GRPR: variants seen among roughly 807,000 people sequenced by gnomAD.
GRPR encodes the protein gastrin-releasing peptide receptor.
A neutral mutation model predicts 15.6 loss-of-function variants in GRPR; 4 were observed. The ratio of observed to expected loss-of-function variants is 0.26; its 90% CI spans 0.13 to 0.59. The LOEUF (loss-of-function observed/expected upper bound fraction) is 0.59, where lower values mean the gene tolerates loss of function less well. GRPR is among the 20% of genes least tolerant of loss of function. The pLI, the probability that GRPR is intolerant of heterozygous loss-of-function variation, is 0.90. For missense variants in GRPR, 270 were observed against 304.1 expected (o/e 0.89, Z 0.83); for synonymous variants, 128 against 126.8 (o/e 1.01, Z -0.06).
chrX:16,134,050 G>A (rs1359527033), intron 1 of GRPR, among the ~76,000 whole-genome samples: 6 of 111,673 alleles, frequency 5.4e-5, no homozygotes, highest in Non-Finnish European at 1.1e-4. Context: ...TTCCCCTTTG[G>A]TTATCTTTGC....
At chrX:16,134,788 T>C (rs1048994918) in intron 1 of GRPR, among the ~76,000 whole-genome samples, 2 of 111,064 alleles carry the variant, frequency 1.8e-5, no homozygotes, top group Non-Finnish European at 3.8e-5. Flanking sequence ...GTTAATGCCT[T>C]AAGGGGGAAA....
At chrX:16,151,022 A>T (rs936573627) in intron 2 of GRPR, among the ~76,000 whole-genome samples, 2 of 112,171 alleles carry the variant, frequency 1.8e-5, no homozygotes, top group African/African-American at 6.5e-5. Context: ...GAGGATTACC[A>T]CATGGAGACA....
At chrX:16,141,506 T>G (rs1028218759) in intron 1 of GRPR, among the ~76,000 whole-genome samples, 1 of 112,024 alleles carries the variant, frequency 8.9e-6, no homozygotes, top group African/African-American at 3.2e-5. Context: ...AAAGTCTCAC[T>G]CAGATGACCA....
intron 2 of GRPR, 62 bp downstream of exon 2, chrX:16,150,718 A>C: frequency 4.7e-5 from 32 of 674,192 alleles, no homozygotes; most frequent in East Asian, 4.0e-4. Flanking sequence ...TTTCTTTTGG[A>C]CCCCACTGAC....
intron 1 of GRPR, among the ~76,000 whole-genome samples, chrX:16,140,071 C>T (rs182433539): frequency 7.1e-5 from 8 of 112,008 alleles, no homozygotes; most frequent in Non-Finnish European, 1.1e-4. Context: ...CCTCTCTCCC[C>T]GTCTTGGACC....
Position 16,124,361 on chromosome X carries a change from A to G in GRPR, c.408A>G (p.Ala136=). ...VSVFTLTALS[A]DRYKAIVRPM... is the part of the protein sequence containing the mutation. ...TCTTCACACTCACGGCGCTCTCGGC[A>G]GACAGGTAAGTACAGGCTGAAAGTT... The change falls in exon 1 of 3, where the codon GCA becomes GCG. Residue 136 remains alanine (A), a synonymous_variant. Transcript: ENST00000380289. The G allele has an allele frequency of 8.3e-7, 1 of 1,207,396 alleles. No homozygotes were observed. Among genetic ancestry groups the G allele is most frequent in the African/African-American group, 1.7e-5 (1 of 57,678 alleles).
At chrX:16,139,389 C>T (rs756183916) in intron 1 of GRPR, among the ~76,000 whole-genome samples, 1 of 111,506 alleles carries the variant, frequency 9.0e-6, no homozygotes, top group South Asian at 3.8e-4. Flanking sequence ...GGACCACCTG[C>T]GGCCCGGGAT....
chrX:16,144,315 T>C (rs1478647355), intron 1 of GRPR, among the ~76,000 whole-genome samples: 1 of 112,063 alleles, frequency 8.9e-6, no homozygotes, highest in African/African-American at 3.2e-5. Context: ...TTAGTAGTTT[T>C]GTCAAATCTC....
intron 1 of GRPR, among the ~76,000 whole-genome samples, chrX:16,149,648 A>G (rs55968709): frequency 2.3e-3 from 125 of 55,023 alleles, no homozygotes; most frequent in Middle Eastern, 0.019. Flanking sequence ...GTTTTGCCAA[A>G]AAAAAAAAAA....
intron 1 of GRPR, among the ~76,000 whole-genome samples, chrX:16,139,563 G>A (rs766105652): frequency 2.7e-5 from 3 of 110,899 alleles, no homozygotes; most frequent in African/African-American, 9.8e-5. Flanking sequence ...AAAAGATTGG[G>A]CACCCCTGAT....
In GRPR at chrX:16,152,764, T is replaced by C. The variant is rs1453121946; in HGVS notation, c.*119T>C. On this transcript the variant is annotated 3_prime_UTR_variant, in exon 3 of 3. Transcript: ENST00000380289. Reference sequence around the variant, plus strand: ...GCCTTCAGAATGCTCCTGAGTGGTGTAGGTGGGGGTGGGGAGGCCCAAATG... The same window carrying C: ...GCCTTCAGAATGCTCCTGAGTGGTGCAGGTGGGGGTGGGGAGGCCCAAATG... The C allele has an allele frequency of 1.6e-6, 1 of 606,623 alleles. No homozygotes were observed. The highest frequency in any genetic ancestry group is 2.8e-6 in the Non-Finnish European group (1 of 362,541). 50.0% of individuals were successfully genotyped at this position (606,623 alleles called of 1,213,427 possible).
Position 16,124,127 on chromosome X carries a change from C to T in GRPR, c.174C>T (p.Asn58=), listed in dbSNP as rs764278702. ...GVIILIGLIG[N]ITLIKIFCTV... is the part of the protein sequence containing the mutation. Reference sequence around the variant, plus strand: ...TCATTCTGATAGGCCTCATTGGCAACATCACTTTGATCAAGATCTTCTGTA... The same window carrying T: ...TCATTCTGATAGGCCTCATTGGCAATATCACTTTGATCAAGATCTTCTGTA... The change falls in exon 1 of 3, where the codon AAC becomes AAT. Residue 58 remains asparagine (N), a synonymous_variant. Transcript: ENST00000380289. The T allele has an allele frequency of 1.7e-6, 2 of 1,207,369 alleles. No homozygotes were observed. The highest frequency in any genetic ancestry group is 3.0e-5 in the East Asian group (1 of 33,837).
At chrX:16,148,127 TG>T (rs751130885) in intron 1 of GRPR, among the ~76,000 whole-genome samples, 3 of 111,839 alleles carry the variant, frequency 2.7e-5, no homozygotes, top group Non-Finnish European at 5.6e-5. Context: ...TCTGGAATTT[TG>T]GGGTTTGGGG....
intron 2 of GRPR, 69 bp from the exon 3 acceptor site, chrX:16,152,187 T>G (rs1013459594): frequency 2.2e-6 from 2 of 920,003 alleles, no homozygotes; most frequent in African/African-American, 3.9e-5. Context: ...CCTGAATCTT[T>G]GTCTCTCTGC....
chrX:16,146,556 G>A (rs975856918), intron 1 of GRPR, among the ~76,000 whole-genome samples: 8 of 110,558 alleles, frequency 7.2e-5, no homozygotes, highest in African/African-American at 9.9e-5. Context: ...CTATTTTTCC[G>A]TTTAAATGCT....
chrX:16,144,401 T>C (rs183007268), intron 1 of GRPR, among the ~76,000 whole-genome samples: 160 of 112,068 alleles, frequency 1.4e-3, no homozygotes, highest in Admixed American at 3.5e-3. Context: ...TTAATTATCG[T>C]CTTCACCTCA....
intron 1 of GRPR, among the ~76,000 whole-genome samples, chrX:16,148,186 A>T (rs1435455645): frequency 8.9e-6 from 1 of 112,041 alleles, no homozygotes; most frequent in East Asian, 2.8e-4. Flanking sequence ...TTTGAGAACA[A>T]AAAGCCAGAT....
Position 16,132,921 on chromosome X carries a change from T to C in GRPR, c.413+8555T>C, listed in dbSNP as rs1197357795. ...TGTGCTATCTCCATCAATGTCAGTA[T>C]TTTGTGAGTTTGCACAACATCTGTG... On this transcript the variant is annotated intron_variant, in intron 1 of 2. Transcript: ENST00000380289. Among the ~76,000 whole-genome samples the C allele has an allele frequency of 7.1e-5, 8 of 112,065 alleles. No homozygotes were observed. The South Asian group carries it at 2.6e-3, about 36-fold the overall frequency.
At position 16,123,606 on chromosome X, in the gene GRPR, G is replaced by T. The variant is rs781462096; in HGVS notation, c.-348G>T. The T allele has an allele frequency of 1.6e-5, 3 of 189,958 alleles. No individual in the cohort carries two copies. In the East Asian group the frequency reaches 3.9e-4, roughly 25 times the overall value. 15.7% of individuals were successfully genotyped at this position (189,958 alleles called of 1,213,427 possible). A position where few individuals can be genotyped will look rare whatever the true frequency, so the allele number is the denominator to read the frequency against. On this transcript the variant is annotated 5_prime_UTR_variant, in exon 1 of 3. Transcript: ENST00000380289. ...GCTGTGGGAAAATAGCAGGCCAAAAGTTCTTAGTAAACTGCAGCCAGGGAG... is the reference window on the plus strand; with the variant it reads ...GCTGTGGGAAAATAGCAGGCCAAAATTTCTTAGTAAACTGCAGCCAGGGAG...
Sources: allele counts gnomAD v4.1 joint callset (sites outside exome capture counted in the v4.1 genomes callset), GRCh38; gene constraint gnomAD v4.1.1; transcripts MANE v1.5; gene names NCBI Gene and HGNC (gene_info 2026-07-23, HGNC 2026-07-21).